The following TRIM37 variants were observed in gnomAD, a reference collection of about 807,000 sequenced individuals.
TRIM37 encodes tripartite motif containing 37, also known as E3 ubiquitin-protein ligase TRIM37.
A neutral mutation model predicts 129.8 loss-of-function variants in TRIM37; 80 were observed. The ratio of observed to expected loss-of-function variants is 0.62; its 90% CI spans 0.51 to 0.74. TRIM37 has a LOEUF of 0.74. TRIM37 is among the 30% of genes least tolerant of loss of function. TRIM37 has a pLI of 0.00. For missense variants in TRIM37, 1,054 were observed against 1,176.5 expected (o/e 0.90, Z 1.52); for synonymous variants, 389 against 387.1 (o/e 1.00, Z -0.06).
chr17:59,105,201 T>C (rs2045887073), intron 1 of TRIM37, among the ~76,000 whole-genome samples: 2 of 152,028 alleles, frequency 1.3e-5, no homozygotes, highest in East Asian at 1.9e-4. Context: ...ACTGATTTTA[T>C]AATTTAGAGG....
In TRIM37 at chr17:59,081,027, T is replaced by C. The variant is rs112933880; in HGVS notation, c.492+70A>G. 15,277 of 932,102 alleles carry C rather than the reference T, an allele frequency of 0.016. 197 individuals carry two copies. Among genetic ancestry groups the C allele is most frequent in the Middle Eastern group, 0.057 (133 of 2,352 alleles). The allele number at this position is 932,102 out of a possible 1,614,324, so 57.7% of individuals were successfully genotyped here. On this transcript the variant is annotated intron_variant, in intron 6 of 23. Coordinates refer to ENST00000262294, the MANE Select transcript of TRIM37 (RefSeq NM_015294.6). The stretch of plus-strand genomic sequence containing the variant: ...TTGATTTCAACATCTGATTAACTTA[T>C]ATTATATAAATATATTATTATATAT...
In TRIM37 at chr17:59,032,032, G is replaced by A. The variant is rs767347106; in HGVS notation, c.1812C>T (p.Cys604=). The change falls in exon 18 of 24, where the codon TGC becomes TGT. Residue 604 remains cysteine, a synonymous_variant. Coordinates refer to ENST00000262294, the MANE Select transcript of TRIM37 (RefSeq NM_015294.6). The part of the protein sequence containing the change: ...SSRISRRTHL[C]SAATSSLLDI... ...CTAGTAAACTACTGGTAGCAGCGGA[G>A]CATAAATGTGTTCTTCTTGATATTC... 5 of 1,614,138 alleles carry A rather than the reference G, an allele frequency of 3.1e-6. 1 individual carries two copies. The South Asian group carries it at 3.3e-5, about 11-fold the overall frequency.
rs548263542 is a variant in TRIM37 at position 59,000,971 on chromosome 17, G to A, written c.2812+627C>T. Reference sequence around the variant, plus strand: ...GGACTTTGGGAGGCCAAGGCAGGTGGATCACGAGGTCAAGAGTTCGAGACC... The same window carrying A: ...GGACTTTGGGAGGCCAAGGCAGGTGAATCACGAGGTCAAGAGTTCGAGACC... On this transcript the variant is annotated intron_variant, in intron 23 of 23. Transcript: ENST00000262294. 4.5e-4 allele frequency among the ~76,000 whole-genome samples: 69 copies of A among 152,132 alleles called. 1 individual carries two copies. Among genetic ancestry groups the A allele is most frequent in the African/African-American group, 1.6e-3 (68 of 41,520 alleles).
chr17:59,050,292 A>G (rs542578552), intron 14 of TRIM37, among the ~76,000 whole-genome samples: 18 of 152,356 alleles, frequency 1.2e-4, no homozygotes, highest in Admixed American at 2.6e-4. Context: ...ACACTGTTCA[A>G]AACAACTTTA....
At chr17:59,003,211 A>G (rs2144586662) in intron 22 of TRIM37, among the ~76,000 whole-genome samples, 1 of 152,334 alleles carries the variant, frequency 6.6e-6, no homozygotes, top group South Asian at 2.1e-4. Context: ...ACAGACTAGA[A>G]AAATGTCTGC....
chr17:59,028,232 T>C (rs193076289), intron 19 of TRIM37, among the ~76,000 whole-genome samples, 183 bp downstream of exon 19: 46 of 152,308 alleles, frequency 3.0e-4, no homozygotes, highest in Admixed American at 2.0e-3. Flanking sequence ...AATCAAGAAA[T>C]GTTAGTTCTA....
At chr17:58,989,649 GAAGAT>G (rs1199584165) in intron 24 of TRIM37, among the ~76,000 whole-genome samples, 1 of 151,960 alleles carries the variant, frequency 6.6e-6, no homozygotes, top group Non-Finnish European at 1.5e-5. Flanking sequence ...AGTACATCTT[GAAGAT>G]AAGTTAAAAA....
intron 24 of TRIM37, among the ~76,000 whole-genome samples, chr17:58,988,109 C>T (rs968778318): frequency 3.3e-5 from 5 of 152,128 alleles, no homozygotes; most frequent in African/African-American, 9.7e-5. Flanking sequence ...TTCGTAGGGT[C>T]GTTGTAAACA....
intron 9 of TRIM37, among the ~76,000 whole-genome samples, chr17:59,066,369 T>A (rs1223030370): frequency 1.3e-5 from 2 of 152,246 alleles, no homozygotes; most frequent in Non-Finnish European, 2.9e-5. Context: ...CTAATCTGCA[T>A]ATTATTTCTT....
At chr17:59,103,713 T>C (rs2045740696) in intron 2 of TRIM37, among the ~76,000 whole-genome samples, 1 of 150,766 alleles carries the variant, frequency 6.6e-6, no homozygotes, top group South Asian at 2.1e-4. Context: ...AGTGGCGCTC[T>C]CTCGGCTCAC....
downstream of TRIM37, chr17:58,979,889 CA>C: frequency 3.8e-6 from 4 of 1,057,012 alleles, no homozygotes; most frequent in Non-Finnish European, 5.5e-6. Context: ...AAGCTGTGAT[CA>C]GAGTCATGGC....
intron 22 of TRIM37, 57 bp downstream of exon 22, chr17:59,012,271 C>A: frequency 7.9e-7 from 1 of 1,265,516 alleles, no homozygotes; most frequent in South Asian, 1.2e-5. Context: ...CCACCCACCA[C>A]CAAAAAAGGG....
intron 19 of TRIM37, among the ~76,000 whole-genome samples, chr17:59,022,729 A>C (rs2036753953): frequency 6.6e-6 from 1 of 152,172 alleles, no homozygotes; most frequent in Admixed American, 6.5e-5. Context: ...GTTGTTACTA[A>C]ACAGGTTTAG....
chr17:59,044,890 G>A (rs1340064949), intron 16 of TRIM37, among the ~76,000 whole-genome samples: 5 of 152,102 alleles, frequency 3.3e-5, no homozygotes, highest in African/African-American at 9.7e-5. Flanking sequence ...ATCATGAGCC[G>A]AGTGTGATGA....
intron 19 of TRIM37, 41 bp from the exon 20 acceptor site, chr17:59,017,465 A>G: frequency 6.2e-7 from 1 of 1,613,400 alleles, no homozygotes; most frequent in Non-Finnish European, 8.5e-7. Context: ...AGGCTACTAC[A>G]GCACAAAACT....
chr17:59,061,784 G>A (rs1301763076), intron 11 of TRIM37, among the ~76,000 whole-genome samples: 1 of 151,960 alleles, frequency 6.6e-6, no homozygotes, highest in Non-Finnish European at 1.5e-5. Context: ...AGACAATGAA[G>A]GCTGACAACA....
At chr17:58,976,487 C>T in the TRIM37 span, among the ~76,000 whole-genome samples, 2 of 152,120 alleles carry the variant, frequency 1.3e-5, no homozygotes, top group African/African-American at 4.8e-5. Flanking sequence ...GACTCCTGGG[C>T]AGAGTTCAGC....
chr17:58,967,993 AG>A, the TRIM37 span, among the ~76,000 whole-genome samples: 1 of 151,926 alleles, frequency 6.6e-6, no homozygotes, highest in Non-Finnish European at 1.5e-5. Flanking sequence ...TAGTAGAGAC[AG>A]GGTTTCACCA....
intron 19 of TRIM37, among the ~76,000 whole-genome samples, chr17:59,022,889 T>C (rs1395779242): frequency 1.3e-5 from 2 of 152,126 alleles, no homozygotes; most frequent in East Asian, 1.9e-4. Context: ...TGGGTGAACT[T>C]TCTCAAAAAG....
Sources: allele counts gnomAD v4.1 joint callset (sites outside exome capture counted in the v4.1 genomes callset), GRCh38; gene constraint gnomAD v4.1.1; transcripts MANE v1.5; gene names NCBI Gene and HGNC (gene_info 2026-07-23, HGNC 2026-07-21).